BMPR2: variants seen among roughly 807,000 people sequenced by gnomAD.
BMPR2 encodes the protein bone morphogenetic protein receptor type-2.
Under a neutral mutation model 100.8 loss-of-function variants are expected in BMPR2, and 29 were observed. The observed-to-expected ratio is 0.29, with a 90% confidence interval of 0.21 to 0.39. The LOEUF is 0.39. Among genes scored for constraint, BMPR2 ranks in the 10% least tolerant of loss-of-function variants. BMPR2 has a pLI of 1.00. For missense variants in BMPR2, 1,011 were observed against 1,274.5 expected (o/e 0.79, Z 3.15); for synonymous variants, 382 against 442.3 (o/e 0.86, Z 1.71).
At chr2:202,541,127 A>C (rs1688264431) in intron 9 of BMPR2, among the ~76,000 whole-genome samples, 1 of 152,192 alleles carries the variant, frequency 6.6e-6, no homozygotes, top group African/African-American at 2.4e-5. Context: ...CCATGATCTA[A>C]ATACTACCTG....
chr2:202,493,466 G>T (rs887809482), intron 3 of BMPR2, among the ~76,000 whole-genome samples: 4 of 151,834 alleles, frequency 2.6e-5, no homozygotes, highest in Non-Finnish European at 5.9e-5. Context: ...GATGTACAAT[G>T]GTCTGCAAAT....
At chr2:202,523,327 C>T (rs1574490453) in intron 7 of BMPR2, among the ~76,000 whole-genome samples, 2 of 152,270 alleles carry the variant, frequency 1.3e-5, no homozygotes, top group Middle Eastern at 6.8e-3. Context: ...TTTGGAGATT[C>T]CTCAAAGAAC....
intron 3 of BMPR2, among the ~76,000 whole-genome samples, chr2:202,507,466 T>G (rs1187704400): frequency 1.3e-5 from 2 of 152,192 alleles, no homozygotes; most frequent in African/African-American, 4.8e-5. Context: ...TATGGCTCAC[T>G]GCATCCTCGA....
intron 1 of BMPR2, among the ~76,000 whole-genome samples, chr2:202,391,325 A>G (rs1439680432): frequency 6.6e-6 from 1 of 151,754 alleles, no homozygotes; most frequent in African/African-American, 2.4e-5. Flanking sequence ...TTTCAATAAA[A>G]TAGGGCCTTG....
intron 7 of BMPR2, among the ~76,000 whole-genome samples, chr2:202,528,031 A>T (rs1253099745): frequency 6.6e-6 from 1 of 151,846 alleles, no homozygotes; most frequent in African/African-American, 2.4e-5. Flanking sequence ...CTACAAAAAT[A>T]AAAAAATTAG....
At chr2:202,451,664 A>T (rs1046706136) in intron 1 of BMPR2, among the ~76,000 whole-genome samples, 2 of 152,120 alleles carry the variant, frequency 1.3e-5, no homozygotes, top group Admixed American at 1.3e-4. Flanking sequence ...GTGCCATTGC[A>T]CTCCAGCCTG....
At chr2:202,380,628 C>CTTTT (rs34657186) in intron 1 of BMPR2, among the ~76,000 whole-genome samples, 1 of 136,012 alleles carries the variant, frequency 7.4e-6, no homozygotes, top group Non-Finnish European at 1.6e-5. Context: ...GGATTTCTTT[C>CTTTT]TTTTTTTTTT....
intron 3 of BMPR2, among the ~76,000 whole-genome samples, chr2:202,499,053 A>G (rs942154293): frequency 2.6e-5 from 4 of 151,964 alleles, no homozygotes; most frequent in Admixed American, 1.3e-4. Context: ...GAAATCTCCA[A>G]AGGACCACAA....
At chr2:202,385,463 T>C (rs1690408071) in intron 1 of BMPR2, among the ~76,000 whole-genome samples, 1 of 148,736 alleles carries the variant, frequency 6.7e-6, no homozygotes, top group South Asian at 2.1e-4. Flanking sequence ...CCTCCTGGGT[T>C]CAAGCGATTC....
chr2:202,406,826 A>C (rs576706617), intron 1 of BMPR2, among the ~76,000 whole-genome samples: 1 of 152,216 alleles, frequency 6.6e-6, no homozygotes. Flanking sequence ...GAATGGCGTA[A>C]TAAACTTAAA....
Position 202,428,394 on chromosome 2 carries a change from C to T in BMPR2, c.77-36415C>T, listed in dbSNP as rs937274125. Among the ~76,000 whole-genome samples the T allele has an allele frequency of 8.9e-5, 13 of 145,712 alleles. No individual in the cohort carries two copies. The South Asian group carries it at 2.8e-3, about 32-fold the overall frequency. ...TCTCTCCTTCTGTTTCTCTCTCTCT[C>T]TTTCTCTCTCTCTTTTTTTTTTAAG... On this transcript the variant is annotated intron_variant, in intron 1 of 12. Coordinates refer to ENST00000374580, the MANE Select transcript of BMPR2 (RefSeq NM_001204.7).
At chr2:202,461,433 G>A (rs1389197105) in intron 1 of BMPR2, among the ~76,000 whole-genome samples, 3 of 152,030 alleles carry the variant, frequency 2.0e-5, no homozygotes, top group Non-Finnish European at 4.4e-5. Context: ...GCAGTGAGTC[G>A]AGATCATGCC....
intron 2 of BMPR2, among the ~76,000 whole-genome samples, chr2:202,466,487 A>G (rs1692325656): frequency 6.6e-6 from 1 of 151,992 alleles, no homozygotes; most frequent in South Asian, 2.1e-4. Flanking sequence ...GAGTTTTGCC[A>G]TGTTGGCCAG....
rs754918710 is a variant in BMPR2 at position 202,555,359 on chromosome 2, A to G, written c.1694A>G (p.Asn565Ser). ...SIHHTDSIVK[N>S]ISSEHSMSST... ...CATCATACTGACAGCATCGTGAAGA[A>G]TATTTCCTCTGAGCATTCTATGTCC... The change falls in exon 12 of 13, where the codon AAT (asparagine) becomes AGT (serine). Residue 565 changes from asparagine to serine, a missense_variant. This residue lies in a region of BMPR2 where 508 missense variants were observed against 552.0 expected (regional missense o/e 0.92). Transcript: ENST00000374580. 3.7e-6 allele frequency: 6 copies of G among 1,614,094 alleles called. No individual in the cohort carries two copies. The highest frequency in any genetic ancestry group is 3.3e-5 in the Admixed American group (2 of 59,998).
intron 1 of BMPR2, among the ~76,000 whole-genome samples, chr2:202,444,308 G>T (rs1332750510): frequency 3.3e-5 from 5 of 150,532 alleles, no homozygotes; most frequent in African/African-American, 1.3e-4. Context: ...TAGAAACATA[G>T]AATAGAGATG....
At chr2:202,498,956 C>T (rs1289898358) in intron 3 of BMPR2, among the ~76,000 whole-genome samples, 1 of 152,174 alleles carries the variant, frequency 6.6e-6, no homozygotes, top group African/African-American at 2.4e-5. Context: ...TCTCAGCTTA[C>T]CACCATATCC....
intron 10 of BMPR2, 73 bp from the exon 11 acceptor site, chr2:202,552,643 T>A (rs1409298955): frequency 6.6e-7 from 1 of 1,508,432 alleles, no homozygotes; most frequent in African/African-American, 1.4e-5. Flanking sequence ...TTTTACCTCA[T>A]GTGGTAAACT....
At chr2:202,457,818 C>T (rs1225684503) in intron 1 of BMPR2, among the ~76,000 whole-genome samples, 1 of 152,120 alleles carries the variant, frequency 6.6e-6, no homozygotes, top group African/African-American at 2.4e-5. Context: ...CAGCCTCCGC[C>T]TCTGGGGTTC....
intron 11 of BMPR2, among the ~76,000 whole-genome samples, chr2:202,554,332 AC>A (rs1367177312): frequency 6.6e-6 from 1 of 152,008 alleles, no homozygotes; most frequent in Non-Finnish European, 1.5e-5. Context: ...TTGATGGCCC[AC>A]CTTGATTTGG....
Sources: gnomAD v4.1 joint callset for allele counts (sites outside exome capture counted in the v4.1 genomes callset) on GRCh38, gnomAD v4.1.1 for gene constraint, gnomAD v4.1.1 regional missense constraint, MANE v1.5 for transcripts, NCBI Gene and HGNC (gene_info 2026-07-23, HGNC 2026-07-21) for gene names.